The following MYO9A variants were observed in gnomAD, a reference collection of about 807,000 sequenced individuals.
MYO9A encodes the protein unconventional myosin-IXa.
In MYO9A, 103 loss-of-function variants were observed where a neutral mutation model predicts 293.3. That is an observed-to-expected ratio of 0.35 (90% confidence interval 0.30 to 0.41). MYO9A has a LOEUF of 0.41. Ranked by LOEUF, MYO9A falls within the 10% of genes least tolerant of loss-of-function variation. The pLI is 1.00. For missense variants in MYO9A, 2,685 were observed against 3,033.0 expected, an observed-to-expected ratio of 0.89 and a Z score of 2.69; for synonymous variants, 1,001 against 1,035.7, an observed-to-expected ratio of 0.97 and a Z score of 0.64.
intron 18 of MYO9A, among the ~76,000 whole-genome samples, chr15:71,922,408 A>T (rs2058179735): frequency 6.6e-6 from 1 of 152,240 alleles, no homozygotes; most frequent in African/African-American, 2.4e-5. Context: ...TACATTGAGT[A>T]GTGATTAAAT....
intron 1 of MYO9A, among the ~76,000 whole-genome samples, chr15:72,076,829 CAAATTTACTAT>C (rs2079367880): frequency 6.6e-6 from 1 of 152,128 alleles, no homozygotes; most frequent in African/African-American, 2.4e-5. Flanking sequence ...TACAAGATTT[CAAATTTACTAT>C]AAAACTACAG....
At chr15:71,875,871 T>C in intron 31 of MYO9A, 33 bp from the exon 32 acceptor site, 1 of 1,228,722 alleles carries the variant, frequency 8.1e-7, no homozygotes, top group East Asian at 3.0e-5. Flanking sequence ...ATGGAAATTG[T>C]GATAACAAAG....
intron 20 of MYO9A, 71 bp from the exon 21 acceptor site, chr15:71,904,110 A>G: frequency 8.3e-7 from 1 of 1,204,104 alleles, no homozygotes; most frequent in Non-Finnish European, 1.2e-6. Flanking sequence ...TATAAGCATG[A>G]CTAACTGTTG....
intron 1 of MYO9A, among the ~76,000 whole-genome samples, chr15:72,076,808 A>C (rs1366156671): frequency 1.3e-5 from 2 of 152,194 alleles, no homozygotes; most frequent in Admixed American, 1.3e-4. Context: ...GAGAAAAACA[A>C]GGTCAGACAC....
At chr15:71,918,495 CA>C (rs74311155) in intron 18 of MYO9A, among the ~76,000 whole-genome samples, 2 of 149,800 alleles carry the variant, frequency 1.3e-5, no homozygotes, top group African/African-American at 2.4e-5. Context: ...CACTATTGAT[CA>C]AAAAAAAAGC....
At chr15:72,114,822 T>A (rs766373209) in intron 1 of MYO9A, among the ~76,000 whole-genome samples, 1 of 152,208 alleles carries the variant, frequency 6.6e-6, no homozygotes, top group Non-Finnish European at 1.5e-5. Flanking sequence ...AGTCTTTGAC[T>A]AATATTTATT....
rs565520461 is a variant in MYO9A, at chr15:71,827,642, C to CT, written c.7183+241dup. ...AAGACCTTCCGTGGAAGTCAGGAATCTAAGTAGCAAAGACAATTATATTTC... is the reference window on the plus strand; with the variant it reads ...AAGACCTTCCGTGGAAGTCAGGAATCTTAAGTAGCAAAGACAATTATATTTC... On this transcript the variant is annotated intron_variant, in intron 41 of 41. Transcript: ENST00000356056. Among the ~76,000 whole-genome samples, 10 of 152,294 alleles carry CT rather than the reference C, an allele frequency of 6.6e-5. No homozygotes were observed. The South Asian group carries it at 2.1e-3, about 32-fold the overall frequency.
chr15:72,078,322 C>T (rs896818115), intron 1 of MYO9A, among the ~76,000 whole-genome samples: 2 of 141,490 alleles, frequency 1.4e-5, no homozygotes, highest in Admixed American at 1.4e-4. Context: ...GGTGTGACCT[C>T]CTTCTCTACA....
rs183118625 is a variant in MYO9A at position 71,948,081 on chromosome 15, T to C, written c.2302+3696A>G. Among the ~76,000 whole-genome samples the C allele has an allele frequency of 8.2e-4, 125 of 152,298 alleles. 1 individual carries two copies. The highest frequency in any genetic ancestry group is 5.8e-4 in the East Asian group (3 of 5,184). ...GCCACAATACCTTTATGTCTTAATA[T>C]TGAAGGTCACACACTGTAACTTCTG... On this transcript the variant is annotated intron_variant, in intron 15 of 41. Coordinates refer to ENST00000356056, the MANE Select transcript of MYO9A (RefSeq NM_006901.4).
intron 26 of MYO9A, chr15:71,892,525 C>A (rs1008982592): frequency 1.3e-5 from 2 of 153,100 alleles, no homozygotes; most frequent in Non-Finnish European, 2.9e-5. Context: ...TCTGTTTTTG[C>A]AGTTTTATTA....
intron 1 of MYO9A, among the ~76,000 whole-genome samples, chr15:72,051,296 G>T (rs1054556880): frequency 3.9e-5 from 6 of 152,162 alleles, no homozygotes; most frequent in African/African-American, 1.4e-4. Flanking sequence ...CCAGGACTGC[G>T]TGCTCCATGG....
At chr15:71,946,333 A>G (rs938697455) in intron 15 of MYO9A, among the ~76,000 whole-genome samples, 3 of 152,122 alleles carry the variant, frequency 2.0e-5, no homozygotes, top group Non-Finnish European at 2.9e-5. Flanking sequence ...GTGTGGGGGG[A>G]AAATTTTAGT....
chr15:72,045,505 A>G, intron 2 of MYO9A: 1 of 378,722 alleles, frequency 2.6e-6, no homozygotes, highest in Non-Finnish European at 4.6e-6. Context: ...ACCTCAGGTG[A>G]TCCACCCACC....
intron 13 of MYO9A, among the ~76,000 whole-genome samples, chr15:71,965,899 C>CA (rs1487037404): frequency 6.6e-6 from 1 of 151,176 alleles, no homozygotes; most frequent in Admixed American, 6.6e-5. Flanking sequence ...TTTTTGGAGA[C>CA]AGAGTCTCAC....
chr15:72,046,306 C>G lies in MYO9A; in HGVS notation c.258G>C (p.Met86Ile). The G allele has an allele frequency of 6.2e-7, 1 of 1,614,118 alleles. No individual in the cohort carries two copies. Among genetic ancestry groups the G allele is most frequent in the Non-Finnish European group, 8.5e-7 (1 of 1,179,954 alleles). Residue 86 changes from methionine (M) to isoleucine (I), a missense_variant, in exon 2 of 42, where the codon ATG becomes ATC. By Grantham distance (10) the Met-to-Ile change is conservative. Transcript: ENST00000356056. Reference protein sequence around the residue: ...LNPTDCPVQRMMLWPRMALEN... With the variant: ...LNPTDCPVQRIMLWPRMALEN... ...CCAGAGCCATTCGGGGCCACAGCAT[C>G]ATTCGCTGAACTGGACAATCTGTTG...
intron 2 of MYO9A, among the ~76,000 whole-genome samples, chr15:72,038,708 AAAG>A (rs1188889136): frequency 6.6e-6 from 1 of 152,230 alleles, no homozygotes; most frequent in Non-Finnish European, 1.5e-5. Context: ...GCAGAGCCAC[AAAG>A]AAGGAGCCCG....
intron 18 of MYO9A, among the ~76,000 whole-genome samples, chr15:71,928,267 C>T (rs889851299): frequency 1.4e-5 from 2 of 148,134 alleles, no homozygotes; most frequent in Non-Finnish European, 3.0e-5. Context: ...TTAGTAGAGA[C>T]GGGGTTTCAC....
chr15:72,114,939 C>A (rs1373714629), intron 1 of MYO9A, among the ~76,000 whole-genome samples: 2 of 152,124 alleles, frequency 1.3e-5, no homozygotes, highest in African/African-American at 4.8e-5. Context: ...AAAGACTGAA[C>A]AAACTTCCAC....
chr15:71,829,674 T>G (rs562871015), intron 40 of MYO9A, among the ~76,000 whole-genome samples: 6 of 152,080 alleles, frequency 3.9e-5, no homozygotes, highest in Non-Finnish European at 8.8e-5. Context: ...TAATGCCCAT[T>G]CTTGAAAGGG....
Sources: allele counts gnomAD v4.1 joint callset (sites outside exome capture counted in the v4.1 genomes callset), GRCh38; gene constraint gnomAD v4.1.1; transcripts MANE v1.5; gene names NCBI Gene and HGNC (gene_info 2026-07-23, HGNC 2026-07-21).